LYPLA1: variants seen among roughly 807,000 people sequenced by gnomAD.
LYPLA1 encodes the protein lysophospholipase 1.
LYPLA1 carries 17 observed loss-of-function variants against 34.0 expected under a neutral mutation model. That is an observed-to-expected ratio of 0.50 (90% CI 0.34 to 0.75). The LOEUF is 0.75. Ranked by LOEUF, LYPLA1 falls within the 30% of genes least tolerant of loss-of-function variation. LYPLA1 has a pLI of 0.01. For synonymous variants in LYPLA1, 98 were observed against 100.8 expected (o/e 0.97, Z 0.17); for missense variants, 203 against 288.8 (o/e 0.70, Z 2.15).
chr8:54,054,578 C>T (rs1806075213), intron 6 of LYPLA1: 1 of 152,470 alleles, frequency 6.6e-6, no homozygotes, highest in Non-Finnish European at 1.5e-5. Flanking sequence ...AGCTTATATG[C>T]CGCAGTAGCC....
intron 5 of LYPLA1, among the ~76,000 whole-genome samples, chr8:54,057,413 G>A (rs1806284672): frequency 6.6e-6 from 1 of 152,102 alleles, no homozygotes; most frequent in Admixed American, 6.6e-5. Flanking sequence ...AGTAACCTAT[G>A]TGTCCATCAA....
intron 2 of LYPLA1, among the ~76,000 whole-genome samples, chr8:54,094,864 CAAAATA>C (rs1445253123): frequency 6.6e-6 from 1 of 152,068 alleles, no homozygotes; most frequent in Non-Finnish European, 1.5e-5. Context: ...ATTTGAGCAT[CAAAATA>C]AATAACTAAC....
intron 2 of LYPLA1, among the ~76,000 whole-genome samples, chr8:54,099,389 A>G (rs909744882): frequency 1.3e-5 from 2 of 152,210 alleles, no homozygotes; most frequent in Non-Finnish European, 2.9e-5. Context: ...GGCAAAAAAT[A>G]GGAATCACTT....
chr8:54,063,458 G>C, intron 3 of LYPLA1, 83 bp from the exon 4 acceptor site: 1 of 796,214 alleles, frequency 1.3e-6, no homozygotes, highest in Non-Finnish European at 2.0e-6. Flanking sequence ...ACAGATAATT[G>C]CTTGAGACCT....
At chr8:54,083,520 T>C (rs1173480332) in intron 2 of LYPLA1, among the ~76,000 whole-genome samples, 1 of 152,202 alleles carries the variant, frequency 6.6e-6, no homozygotes, top group African/African-American at 2.4e-5. Flanking sequence ...GGGTCAATAA[T>C]TGTTTTCTGC....
At chr8:54,084,463 C>T (rs1808558059) in intron 2 of LYPLA1, among the ~76,000 whole-genome samples, 1 of 151,346 alleles carries the variant, frequency 6.6e-6, no homozygotes, top group Admixed American at 6.6e-5. Context: ...CCCAGCTACT[C>T]AGGAGGCTGA....
chr8:54,076,014 G>A (rs1042995650), intron 2 of LYPLA1, among the ~76,000 whole-genome samples: 1 of 152,108 alleles, frequency 6.6e-6, no homozygotes, highest in Non-Finnish European at 1.5e-5. Context: ...TGAACAAAAC[G>A]GTCAGATGGT....
chr8:54,070,357 A>G (rs1056302193), intron 2 of LYPLA1, among the ~76,000 whole-genome samples: 8 of 152,124 alleles, frequency 5.3e-5, no homozygotes, highest in African/African-American at 1.9e-4. Context: ...CTTGTACACA[A>G]ATGTTCTTTT....
chr8:54,077,431 CA>C (rs1388793268), intron 2 of LYPLA1, among the ~76,000 whole-genome samples: 1 of 152,178 alleles, frequency 6.6e-6, no homozygotes, highest in Non-Finnish European at 1.5e-5. Flanking sequence ...ATCTGTACAT[CA>C]AACCCTCAGA....
chr8:54,081,706 C>G lies in LYPLA1; in HGVS notation c.102-15893G>C, dbSNP rs562558573. Among the ~76,000 whole-genome samples, 219 of 151,088 alleles carry G rather than the reference C, an allele frequency of 1.4e-3. 1 individual carries two copies. Among genetic ancestry groups the G allele is most frequent in the African/African-American group, 5.0e-3 (206 of 40,820 alleles). The stretch of plus-strand genomic sequence containing the variant: ...CTGGGATTACAGGCGTGCACCACTG[C>G]GCCCAGCCTTTCTTTTCGTTTTTTT... On this transcript the variant is annotated intron_variant, in intron 2 of 8. Coordinates refer to ENST00000316963, the MANE Select transcript of LYPLA1 (RefSeq NM_006330.4).
At chr8:54,085,426 A>C (rs1808641415) in intron 2 of LYPLA1, among the ~76,000 whole-genome samples, 1 of 152,166 alleles carries the variant, frequency 6.6e-6, no homozygotes, top group African/African-American at 2.4e-5. Context: ...GGAAGTGAGA[A>C]GTGTCTCTGC....
At chr8:54,073,280 G>A in intron 2 of LYPLA1, 1 of 891,960 alleles carries the variant, frequency 1.1e-6, no homozygotes, top group Non-Finnish European at 1.9e-6. Flanking sequence ...TGCATGCTGG[G>A]GTCCTTCTGT....
intron 3 of LYPLA1, among the ~76,000 whole-genome samples, chr8:54,065,473 A>AATAAATAAATAC (rs964475763): frequency 6.6e-6 from 1 of 151,102 alleles, no homozygotes; most frequent in Non-Finnish European, 1.5e-5. Flanking sequence ...TAAATAAATA[A>AATAAATAAATAC]ATAAATAAAT....
At chr8:54,061,306 C>T (rs1286616654) in intron 5 of LYPLA1, among the ~76,000 whole-genome samples, 1 of 152,060 alleles carries the variant, frequency 6.6e-6, no homozygotes, top group East Asian at 1.9e-4. Context: ...GTCTCGAACT[C>T]CTGACCTCAC....
At chr8:54,099,125 GTTT>G (rs565809813) in intron 2 of LYPLA1, among the ~76,000 whole-genome samples, 3 of 145,794 alleles carry the variant, frequency 2.1e-5, no homozygotes, top group African/African-American at 7.4e-5. Context: ...CTAGACTGAA[GTTT>G]TTTTTTTTTT....
chr8:54,062,484 TCTCA>T (rs1027194912), intron 4 of LYPLA1, among the ~76,000 whole-genome samples, 160 bp from the exon 5 acceptor site: 13 of 150,356 alleles, frequency 8.6e-5, no homozygotes, highest in South Asian at 2.1e-4. Flanking sequence ...TGAGACGAAG[TCTCA>T]CTATTTATTT....
chr8:54,094,575 G>A (rs779127179), intron 2 of LYPLA1, among the ~76,000 whole-genome samples: 1 of 152,208 alleles, frequency 6.6e-6, no homozygotes, highest in African/African-American at 2.4e-5. Flanking sequence ...AAACTGATAT[G>A]TGTGTACATA....
At chr8:54,090,746 T>C (rs1809171449) in intron 2 of LYPLA1, among the ~76,000 whole-genome samples, 1 of 152,152 alleles carries the variant, frequency 6.6e-6, no homozygotes, top group East Asian at 1.9e-4. Context: ...CCCCATTGCA[T>C]TGCGGGCTGC....
downstream of LYPLA1, chr8:54,046,261 TTC>T (rs927528949): frequency 6.6e-6 from 1 of 152,174 alleles, no homozygotes; most frequent in African/African-American, 2.4e-5. Flanking sequence ...TCATCAAAAT[TTC>T]TCTCTCTGAA....
Sources: allele counts gnomAD v4.1 joint callset (sites outside exome capture counted in the v4.1 genomes callset), GRCh38; gene constraint gnomAD v4.1.1; transcripts MANE v1.5; gene names NCBI Gene and HGNC (gene_info 2026-07-23, HGNC 2026-07-21).